POLN: variants seen among roughly 807,000 people sequenced by gnomAD.
POLN encodes DNA polymerase N.
A neutral mutation model predicts 113.5 loss-of-function variants in POLN; 108 were observed. That is an observed-to-expected ratio of 0.95 (90% CI 0.81 to 1.12). The LOEUF (loss-of-function observed/expected upper bound fraction) is 1.12. POLN is among the 50% of genes most tolerant of loss of function. The pLI, the probability that POLN is intolerant of heterozygous loss-of-function variation, is 0.00. For missense variants in POLN, 1,097 were observed against 1,077.1 expected (o/e 1.02, Z -0.26); for synonymous variants, 386 against 391.5 (o/e 0.99, Z 0.17).
chr4:2,179,968 C>T (rs1476879752), intron 7 of POLN, among the ~76,000 whole-genome samples: 2 of 152,150 alleles, frequency 1.3e-5, no homozygotes, highest in East Asian at 3.9e-4. Context: ...CACACGACAC[C>T]CTCGTCACTG....
intron 19 of POLN, among the ~76,000 whole-genome samples, chr4:2,105,927 C>T (rs949894338): frequency 1.3e-5 from 2 of 152,042 alleles, no homozygotes; most frequent in Non-Finnish European, 2.9e-5. Context: ...CTCCATATTG[C>T]TGAACTTGAC....
rs750084214 is a variant in POLN, at chr4:2,081,030, G to A, written c.2315C>T (p.Ala772Val). Reference protein sequence around the residue: ...QAVNFVVQGSAADLCKLAMIH... With the variant: ...QAVNFVVQGSVADLCKLAMIH... ...CATGGCCAGCTTGCAGAGGTCAGCA[G>A]CGGAGCCTATGGGGCGCGTGGTACT... is the stretch of plus-strand genomic sequence containing the variant. Residue 772 changes from alanine (A) to valine (V), a missense_variant, in exon 23 of 26, where the codon GCT becomes GTT. Ala to Val is a moderately conservative substitution (Grantham distance 64). Coordinates refer to ENST00000511885, the MANE Select transcript of POLN (RefSeq NM_181808.4). 8.7e-6 allele frequency: 14 copies of A among 1,613,744 alleles called. No homozygotes were observed. Among genetic ancestry groups the A allele is most frequent in the Non-Finnish European group, 1.2e-5 (14 of 1,179,986 alleles).
intron 13 of POLN, 80 bp from the exon 14 acceptor site, chr4:2,159,291 C>T: frequency 8.3e-7 from 1 of 1,203,522 alleles, no homozygotes; most frequent in Non-Finnish European, 1.2e-6. Context: ...GGAGAAAGTC[C>T]TCATAATAAA....
chr4:2,140,771 T>G (rs953787771), intron 16 of POLN: 1 of 152,046 alleles, frequency 6.6e-6, no homozygotes, highest in Non-Finnish European at 1.5e-5. Context: ...AATTGCCACT[T>G]GTGGAGGACA....
Position 2,174,676 on chromosome 4 carries a change from T to G in POLN, c.1309+15A>C, listed in dbSNP as rs1732950078. 6.3e-7 allele frequency: 1 copy of G among 1,594,716 alleles called. No individual in the cohort carries two copies. The highest frequency in any genetic ancestry group is 1.7e-5 in the Admixed American group (1 of 59,866). ...TCTAGAAAAATGGCTGTACTTCATCTTTATGGTAACTTACCTGCCAAAATT... is the reference window on the plus strand; with the variant it reads ...TCTAGAAAAATGGCTGTACTTCATCGTTATGGTAACTTACCTGCCAAAATT... On this transcript the variant is annotated intron_variant, in intron 10 of 25. Coordinates refer to ENST00000511885, the MANE Select transcript of POLN (RefSeq NM_181808.4).
intron 13 of POLN, among the ~76,000 whole-genome samples, chr4:2,162,099 C>T (rs1202309496): frequency 2.6e-5 from 4 of 152,172 alleles, no homozygotes; most frequent in East Asian, 3.9e-4. Flanking sequence ...GAGCCAGCAG[C>T]GGCAACCCGC....
chr4:2,097,881 T>G (rs1217660213), intron 19 of POLN, among the ~76,000 whole-genome samples: 1 of 152,214 alleles, frequency 6.6e-6, no homozygotes, highest in African/African-American at 2.4e-5. Context: ...TTTGATGAAG[T>G]TGGTTGAGAC....
At chr4:2,236,593 T>A in intron 2 of POLN, 2 of 644,976 alleles carry the variant, frequency 3.1e-6, no homozygotes, top group South Asian at 1.9e-5. Context: ...GTACAGTAGC[T>A]CACGCCTGTA....
chr4:2,080,654 T>C (rs896428594), intron 23 of POLN: 27 of 1,298,644 alleles, frequency 2.1e-5, no homozygotes, highest in Middle Eastern at 3.1e-4. Flanking sequence ...CGCCTGCCTC[T>C]GGGGTGGGCA....
intron 19 of POLN, among the ~76,000 whole-genome samples, chr4:2,106,380 C>T (rs1243316353): frequency 6.6e-6 from 1 of 152,148 alleles, no homozygotes; most frequent in African/African-American, 2.4e-5. Flanking sequence ...TTGCAAGACT[C>T]CTAGACTTTA....
intron 19 of POLN, among the ~76,000 whole-genome samples, chr4:2,110,318 C>T (rs1221241720): frequency 6.6e-6 from 1 of 151,958 alleles, no homozygotes; most frequent in Non-Finnish European, 1.5e-5. Flanking sequence ...CCTAACATCA[C>T]AATTAAAAGA....
chr4:2,238,652 T>C (rs1372261853), intron 2 of POLN: 1 of 1,611,690 alleles, frequency 6.2e-7, no homozygotes, highest in South Asian at 1.1e-5. Flanking sequence ...TGGATTTATC[T>C]GTTGAGAAAC....
At chr4:2,240,145 C>T (rs768391357) in intron 2 of POLN, 8 of 1,613,602 alleles carry the variant, frequency 5.0e-6, no homozygotes, top group East Asian at 2.2e-5. Context: ...CAAATGTATG[C>T]GAGCTGCAGT....
chr4:2,210,174 T>A (rs1487134658), intron 4 of POLN, among the ~76,000 whole-genome samples: 2 of 151,904 alleles, frequency 1.3e-5, no homozygotes, highest in East Asian at 3.9e-4. Flanking sequence ...CTTTCAAGCA[T>A]AAAATTACAT....
At chr4:2,106,707 C>A (rs1731074547) in intron 19 of POLN, among the ~76,000 whole-genome samples, 1 of 152,228 alleles carries the variant, frequency 6.6e-6, no homozygotes, top group South Asian at 2.1e-4. Context: ...TTATACATAT[C>A]CCAGTAGGTC....
intron 16 of POLN, among the ~76,000 whole-genome samples, chr4:2,138,930 A>ATCACTGTG (rs931892943): frequency 1.3e-5 from 2 of 150,974 alleles, no homozygotes; most frequent in Non-Finnish European, 3.0e-5. Context: ...AAAAGGTGAA[A>ATCACTGTG]TCACTGTGCC....
chr4:2,115,938 G>C (rs775219682), intron 19 of POLN, among the ~76,000 whole-genome samples: 1 of 152,180 alleles, frequency 6.6e-6, no homozygotes, highest in Non-Finnish European at 1.5e-5. Flanking sequence ...CTTTTCAGAC[G>C]ATAGGAGACC....
chr4:2,178,007 C>T (rs917030540), intron 8 of POLN, among the ~76,000 whole-genome samples: 17 of 152,242 alleles, frequency 1.1e-4, no homozygotes, highest in African/African-American at 3.9e-4. Flanking sequence ...TACCCCATAT[C>T]CTTCTGATAA....
chr4:2,081,663 C>G lies in POLN; in HGVS notation c.2278G>C (p.Glu760Gln). ...AHDQQLRAQAERQAVNFVVQG... is the reference protein window; with the variant it reads ...AHDQQLRAQAQRQAVNFVVQG... ...ACCACGAAGTTCACTGCCTGTCGCT[C>G]TGCTTGTGCCCGGAGTTGCTGGTCA... Residue 760 changes from glutamate to glutamine, a missense_variant, in exon 22 of 26, where the codon GAG becomes CAG. By Grantham distance (29) the Glu-to-Gln change is conservative. Transcript: ENST00000511885. The G allele has an allele frequency of 6.2e-7, 1 of 1,614,226 alleles. No individual in the cohort carries two copies. Among genetic ancestry groups the G allele is most frequent in the Non-Finnish European group, 8.5e-7 (1 of 1,180,046 alleles).
Sources: allele counts gnomAD v4.1 joint callset (sites outside exome capture counted in the v4.1 genomes callset), GRCh38; gene constraint gnomAD v4.1.1; transcripts MANE v1.5; gene names NCBI Gene and HGNC (gene_info 2026-07-23, HGNC 2026-07-21).